Variants in IQSEC3 observed in about 807,000 individuals in gnomAD.
IQSEC3 encodes IQ motif and SEC7 domain-containing protein 3.
A neutral mutation model predicts 105.4 loss-of-function variants in IQSEC3; 50 were observed. The observed-to-expected ratio is 0.47, with a 90% CI of 0.38 to 0.60. IQSEC3 has a LOEUF of 0.60. Ranked by LOEUF, IQSEC3 falls within the 20% of genes least tolerant of loss-of-function variation. IQSEC3 has a pLI of 0.00. For synonymous variants in IQSEC3, 708 were observed against 746.0 expected, an observed-to-expected ratio of 0.95 and a Z score of 0.83; for missense variants, 1,415 against 1,630.0, an observed-to-expected ratio of 0.87 and a Z score of 2.27.
intron 9 of IQSEC3, 131 bp downstream of exon 9, chr12:163,750 G>A (rs1867036415): frequency 2.8e-6 from 2 of 725,762 alleles, no homozygotes; most frequent in Non-Finnish European, 4.7e-6. Flanking sequence ...TGTTCCGTGG[G>A]ACGGATCTGC....
intron 2 of IQSEC3, among the ~76,000 whole-genome samples, chr12:99,818 C>T (rs1410792323): frequency 2.6e-5 from 4 of 152,130 alleles, no homozygotes; most frequent in South Asian, 2.1e-4. Context: ...CTCCCTGTCC[C>T]GCTTCCTGGA....
intron 5 of IQSEC3, among the ~76,000 whole-genome samples, chr12:150,659 G>A (rs12320396): frequency 1.5e-3 from 226 of 152,320 alleles, no homozygotes; most frequent in African/African-American, 5.1e-3. Context: ...GTTGGATTTG[G>A]CCACATAGCA....
chr12:170,338 C>G (rs1179384643), intron 12 of IQSEC3, among the ~76,000 whole-genome samples: 1 of 151,228 alleles, frequency 6.6e-6, no homozygotes. Context: ...AAGCTGCCCG[C>G]CCTGGTTAGG....
intron 3 of IQSEC3, among the ~76,000 whole-genome samples, chr12:130,056 T>C (rs1206454259): frequency 6.6e-6 from 1 of 152,184 alleles, no homozygotes; most frequent in African/African-American, 2.4e-5. Context: ...AGGACAGTGG[T>C]GAGGACAGGG....
At chr12:77,845 C>G (rs1863599484) in intron 1 of IQSEC3, 1 of 238,834 alleles carries the variant, frequency 4.2e-6, no homozygotes, top group South Asian at 1.2e-4. Flanking sequence ...CGCCTCCGTG[C>G]GCTGCCCCGA....
rs1305836451 is a variant in IQSEC3 at position 165,694 on chromosome 12, C to T, written c.2810-35C>T. 1.4e-5 allele frequency: 23 copies of T among 1,609,258 alleles called. No individual in the cohort carries two copies. In the African/African-American group the frequency reaches 2.8e-4, roughly 20 times the overall value. ...GCTCTGGCCCTCGGCTGCTGCTGCT[C>T]ACAGCCCACTGGGGGCCTGGGGTCT... On this transcript the variant is annotated intron_variant, in intron 10 of 13. Transcript: ENST00000538872.
chr12:160,634 G>C (rs910344677), intron 7 of IQSEC3, among the ~76,000 whole-genome samples: 3 of 152,142 alleles, frequency 2.0e-5, no homozygotes, highest in Admixed American at 6.5e-5. Context: ...GTGAGGAGGG[G>C]ATAGGGAAGC....
intron 3 of IQSEC3, among the ~76,000 whole-genome samples, chr12:136,106 T>C (rs1176015490): frequency 1.3e-5 from 2 of 152,258 alleles, no homozygotes; most frequent in African/African-American, 4.8e-5. Flanking sequence ...TTCCTCCTGC[T>C]CAGGGCCTTG....
intron 5 of IQSEC3, among the ~76,000 whole-genome samples, chr12:147,449 G>A (rs1866323314): frequency 6.6e-6 from 1 of 152,150 alleles, no homozygotes; most frequent in South Asian, 2.1e-4. Flanking sequence ...TGGGGAGCTT[G>A]CCCACAGTCA....
At chr12:91,606 C>G (rs1555073442) in intron 1 of IQSEC3, among the ~76,000 whole-genome samples, 2 of 152,138 alleles carry the variant, frequency 1.3e-5, no homozygotes, top group African/African-American at 2.4e-5. Context: ...GAAACTCTGT[C>G]TCTACAAAAA....
At chr12:108,904 C>G (rs1864775127) in intron 2 of IQSEC3, among the ~76,000 whole-genome samples, 1 of 152,252 alleles carries the variant, frequency 6.6e-6, no homozygotes, top group Non-Finnish European at 1.5e-5. Flanking sequence ...TGTTTGTATT[C>G]CACGCCACCC....
rs781941662 is a variant in IQSEC3, at chr12:163,579, C to T, written c.2669C>T (p.Ala890Val). The T allele has an allele frequency of 3.8e-6, 6 of 1,594,554 alleles. No homozygotes were observed. The highest frequency in any genetic ancestry group is 5.2e-6 in the Non-Finnish European group (6 of 1,163,300). Residue 890 changes from alanine (A) to valine (V), a missense_variant, in exon 9 of 14, where the codon GCG becomes GTG. Around this residue, in one of 6 missense-constraint regions of IQSEC3, gnomAD observed 419 missense variants for 436.2 expected, o/e 0.96. Coordinates refer to ENST00000538872, the MANE Select transcript of IQSEC3 (RefSeq NM_001170738.2). ...TDVNKLQKQAAHQREVFLFND... is the reference protein window; with the variant it reads ...TDVNKLQKQAVHQREVFLFND... ...GTGAACAAGCTGCAGAAGCAGGCAG[C>T]GCATCAGAGGGAGGTGTTCCTCTTC...
chr12:138,966 C>A lies in IQSEC3; in HGVS notation c.1603C>A (p.Arg535=). Residue 535 remains arginine (R), a synonymous_variant, in exon 4 of 14, where the codon CGG becomes AGG. Coordinates refer to ENST00000538872, the MANE Select transcript of IQSEC3 (RefSeq NM_001170738.2). The surrounding 1 kb of genome is among the most constrained non-coding windows in gnomAD (Gnocchi z 7.1). ...GGCCGAGCAGGGCGAGACCTCTGGG[C>A]GGGAGGCCCCGGAAGCCCCCGCCGT... is the stretch of plus-strand genomic sequence containing the variant. ...GKAEQGETSG[R]EAPEAPAVGR... The A allele has an allele frequency of 1.9e-6, 3 of 1,547,936 alleles. No individual in the cohort carries two copies. The highest frequency in any genetic ancestry group is 2.3e-5 in the South Asian group (2 of 85,152).
At chr12:75,549 A>C (rs1863484840) in intron 1 of IQSEC3, among the ~76,000 whole-genome samples, 1 of 152,168 alleles carries the variant, frequency 6.6e-6, no homozygotes, top group Non-Finnish European at 1.5e-5. Context: ...ATCTTAAAAT[A>C]ATTTTTTGGA....
intron 2 of IQSEC3, among the ~76,000 whole-genome samples, chr12:101,468 A>G (rs1864419877): frequency 6.6e-6 from 1 of 151,828 alleles, no homozygotes; most frequent in Non-Finnish European, 1.5e-5. Flanking sequence ...GCGGGCTTTG[A>G]GGTTGGGGAC....
intron 2 of IQSEC3, among the ~76,000 whole-genome samples, chr12:100,206 C>T (rs1864378934): frequency 6.6e-6 from 1 of 152,164 alleles, no homozygotes; most frequent in Non-Finnish European, 1.5e-5. Flanking sequence ...CCCGTCGAGT[C>T]TCTGAGCTGC....
intron 1 of IQSEC3, among the ~76,000 whole-genome samples, chr12:80,274 A>G (rs971007009): frequency 6.6e-6 from 1 of 152,126 alleles, no homozygotes; most frequent in African/African-American, 2.4e-5. Context: ...AGCTTGGTTC[A>G]CTTTTGCTCC....
chr12:134,765 G>A (rs1188885920), intron 3 of IQSEC3, among the ~76,000 whole-genome samples: 1 of 151,022 alleles, frequency 6.6e-6, no homozygotes, highest in Non-Finnish European at 1.5e-5. Context: ...AGGCACAGTG[G>A]CACATGCCTG....
rs932425722 is a variant in IQSEC3, at chr12:175,138, G to T, written c.*105G>T. The T allele has an allele frequency of 2.2e-6, 2 of 891,240 alleles. No individual in the cohort carries two copies. Among genetic ancestry groups the T allele is most frequent in the East Asian group, 5.4e-5 (2 of 36,766 alleles). The allele number at this position is 891,240 out of a possible 1,614,324, so 55.2% of individuals were successfully genotyped here. A position where few individuals can be genotyped will look rare whatever the true frequency, so the allele number is the denominator to read the frequency against. Reference sequence around the variant, plus strand: ...CTGGCACGATGCGTTCCTGGTCACTGATCACCATCATTTTGGGAAGAGAAT... The same window carrying T: ...CTGGCACGATGCGTTCCTGGTCACTTATCACCATCATTTTGGGAAGAGAAT... On this transcript the variant is annotated 3_prime_UTR_variant, in exon 14 of 14. Transcript: ENST00000538872.
Sources: gnomAD v4.1 joint callset for allele counts (sites outside exome capture counted in the v4.1 genomes callset) on GRCh38, gnomAD v4.1.1 for gene constraint, gnomAD v4.1.1 regional missense constraint, Gnocchi (gnomAD v3.1) non-coding constraint, MANE v1.5 for transcripts, NCBI Gene and HGNC (gene_info 2026-07-23, HGNC 2026-07-21) for gene names.